The following UGT1A8 variants were observed in gnomAD, a reference collection of about 807,000 sequenced individuals.
The protein encoded by UGT1A8 is UDP glucuronosyltransferase family 1 member A8, also known as UDP-glucuronosyltransferase 1A8.
UGT1A8 carries 39 observed loss-of-function variants against 45.3 expected under a neutral mutation model. The ratio of observed to expected loss-of-function variants is 0.86; its 90% confidence interval spans 0.67 to 1.12. UGT1A8 has a LOEUF of 1.12. Ranked by LOEUF, UGT1A8 falls within the 50% of genes most tolerant of loss-of-function variation. The probability of loss-of-function intolerance (pLI) is 0.00; values close to 1 mark genes in which losing one functional copy is unlikely to be tolerated. For synonymous variants in UGT1A8, 275 were observed against 249.2 expected, an observed-to-expected ratio of 1.10 and a Z score of -0.97; for missense variants, 719 against 664.9, an observed-to-expected ratio of 1.08 and a Z score of -0.90.
At chr2:233,762,940 A>G (rs1474565729) in intron 1 of UGT1A8, among the ~76,000 whole-genome samples, 1 of 152,236 alleles carries the variant, frequency 6.6e-6, no homozygotes, top group Admixed American at 6.5e-5. Context: ...AAACAGTTGA[A>G]TAATTCTGGC....
At chr2:233,756,198 G>C (rs1023408746) in intron 1 of UGT1A8, 1 of 152,220 alleles carries the variant, frequency 6.6e-6, no homozygotes, top group Non-Finnish European at 1.5e-5. Flanking sequence ...TAGCAGAGTA[G>C]TCCCTGGTAT....
intron 1 of UGT1A8, among the ~76,000 whole-genome samples, chr2:233,665,759 C>T (rs746712302): frequency 5.9e-5 from 9 of 152,104 alleles, no homozygotes; most frequent in Non-Finnish European, 1.2e-4. Context: ...TTTAAAAATA[C>T]ACACAATACA....
intron 1 of UGT1A8, among the ~76,000 whole-genome samples, chr2:233,711,176 T>C (rs1233796559): frequency 1.3e-5 from 2 of 152,192 alleles, no homozygotes; most frequent in East Asian, 3.9e-4. Context: ...ACCAGGAATA[T>C]GAGCTACTCC....
intron 1 of UGT1A8, among the ~76,000 whole-genome samples, chr2:233,642,383 T>C (rs574284328): frequency 1.3e-5 from 2 of 152,242 alleles, no homozygotes; most frequent in East Asian, 3.8e-4. Context: ...TCAATCTCTT[T>C]GTTAAATTTA....
intron 1 of UGT1A8, among the ~76,000 whole-genome samples, chr2:233,633,433 C>T (rs115061010): frequency 0.11 from 17,496 of 152,180 alleles, 1,168 homozygotes; most frequent in Non-Finnish European, 0.16. Flanking sequence ...GTGAACTCAT[C>T]TGGTCCTGGG....
At chr2:233,672,787 A>G (rs564884584) in intron 1 of UGT1A8, 7 of 1,613,082 alleles carry the variant, frequency 4.3e-6, no homozygotes, top group African/African-American at 2.7e-5. Flanking sequence ...GCCGTTGCCT[A>G]TGGTAAGTTA....
intron 1 of UGT1A8, chr2:233,719,247 G>A: frequency 1.2e-6 from 2 of 1,614,186 alleles, no homozygotes. Context: ...GCACCTGAAT[G>A]CTACTTCCTT....
At chr2:233,637,012 C>T in intron 1 of UGT1A8, 1 of 1,614,006 alleles carries the variant, frequency 6.2e-7, no homozygotes. Flanking sequence ...TTTCTCCCTC[C>T]CCTCTGTGGT....
Position 233,769,514 on chromosome 2 carries a change from A to G in UGT1A8, c.1295+1075A>G. 2 of 1,612,844 alleles carry G rather than the reference A, an allele frequency of 1.2e-6. No homozygotes were observed. The highest frequency in any genetic ancestry group is 1.7e-6 in the Non-Finnish European group (2 of 1,179,856). ...ATGAGAGTGTCCATTGCTTTCTCCCATGGTTACCTCCTTTAGAAAGAAGCA... is the reference window on the plus strand; with the variant it reads ...ATGAGAGTGTCCATTGCTTTCTCCCGTGGTTACCTCCTTTAGAAAGAAGCA... On this transcript the variant is annotated intron_variant, in intron 4 of 4. Transcript: ENST00000373450. This position sits in a 1 kb window ranked among gnomAD's most constrained non-coding sequence, Gnocchi z 4.4.
At position 233,773,293 on chromosome 2, in the gene UGT1A8, A is replaced by C. The variant is rs1290134629; in HGVS notation, c.*734A>C. The C allele has an allele frequency of 1.3e-5, 2 of 152,208 alleles. No homozygotes were observed. Among genetic ancestry groups the C allele is most frequent in the African/African-American group, 4.8e-5 (2 of 41,466 alleles). The allele number at this position is 152,208 out of a possible 1,614,324, so 9.4% of individuals were successfully genotyped here. ...TAAAAATAAATTAATAAATTTATAT[A>C]AATTCTATTTAAGTGTTTTCACTGG... is the stretch of plus-strand genomic sequence containing the variant. On this transcript the variant is annotated 3_prime_UTR_variant, in exon 5 of 5. Transcript: ENST00000373450.
At chr2:233,640,584 T>C (rs1202128516) in intron 1 of UGT1A8, among the ~76,000 whole-genome samples, 1 of 152,160 alleles carries the variant, frequency 6.6e-6, no homozygotes, top group Non-Finnish European at 1.5e-5. Flanking sequence ...CCTTGGTCAA[T>C]TGAGTAAGTT....
chr2:233,726,029 G>A (rs1318137671), intron 1 of UGT1A8, among the ~76,000 whole-genome samples: 1 of 152,112 alleles, frequency 6.6e-6, no homozygotes, highest in Non-Finnish European at 1.5e-5. Flanking sequence ...ATCCAGGTGT[G>A]ATGGCGCACA....
intron 1 of UGT1A8, chr2:233,729,374 C>T (rs143192251): frequency 1.1e-5 from 17 of 1,613,890 alleles, no homozygotes; most frequent in Non-Finnish European, 5.1e-6. Context: ...TATGCCATTT[C>T]GTGGACCCAG....
intron 1 of UGT1A8, among the ~76,000 whole-genome samples, chr2:233,696,227 A>T (rs2075332487): frequency 1.3e-5 from 2 of 152,270 alleles, no homozygotes; most frequent in South Asian, 4.1e-4. Context: ...CACAGTAGCC[A>T]AAATATGGAA....
At chr2:233,733,441 G>A (rs189365163) in intron 1 of UGT1A8, among the ~76,000 whole-genome samples, 194 of 152,182 alleles carry the variant, frequency 1.3e-3, no homozygotes, top group Non-Finnish European at 1.4e-3. Context: ...TATTGGCTGC[G>A]GGTTTGTCAT....
chr2:233,725,119 T>G (rs1275718830), intron 1 of UGT1A8, among the ~76,000 whole-genome samples: 3 of 139,294 alleles, frequency 2.2e-5, no homozygotes. Flanking sequence ...GAGGTTGCAG[T>G]GAGCCGAGAT....
At chr2:233,765,957 T>C (rs1248795427) in intron 1 of UGT1A8, among the ~76,000 whole-genome samples, 3 of 151,920 alleles carry the variant, frequency 2.0e-5, no homozygotes, top group Non-Finnish European at 2.9e-5. Flanking sequence ...TCACCGGCAG[T>C]GTCTAGAGGT....
chr2:233,724,379 C>T (rs1274419342), intron 1 of UGT1A8, among the ~76,000 whole-genome samples: 6 of 145,710 alleles, frequency 4.1e-5, no homozygotes, highest in African/African-American at 7.6e-5. Flanking sequence ...GGCTGCCGGG[C>T]GGAGACGCTC....
rs1384702379 is a variant in UGT1A8, at chr2:233,760,914, G to A, written c.856-6120G>A. ...CAGATCACATGACCTTCCTGCAGCG[G>A]GTGAAGAACATGCTCATTGCCTTTT... On this transcript the variant is annotated intron_variant, in intron 1 of 4. Transcript: ENST00000373450. The A allele has an allele frequency of 2.5e-6, 4 of 1,614,148 alleles. No individual in the cohort carries two copies. In the African/African-American group the frequency reaches 4.0e-5, roughly 16 times the overall value.
Sources: allele counts gnomAD v4.1 joint callset (sites outside exome capture counted in the v4.1 genomes callset), GRCh38; gene constraint gnomAD v4.1.1; non-coding constraint Gnocchi (gnomAD v3.1); transcripts MANE v1.5; gene names NCBI Gene and HGNC (gene_info 2026-07-23, HGNC 2026-07-21).